Variants in HS6ST3 observed in about 807,000 individuals in gnomAD.
HS6ST3 encodes heparan sulfate 6-O-sulfotransferase 3.
In HS6ST3, 12 loss-of-function variants were observed where a neutral mutation model predicts 36.7. The ratio of observed to expected loss-of-function variants is 0.33; its 90% CI spans 0.21 to 0.53. The LOEUF is 0.53. Ranked by LOEUF, HS6ST3 falls within the 20% of genes least tolerant of loss-of-function variation. The pLI is 0.95. For missense variants in HS6ST3, 584 were observed against 640.9 expected (o/e 0.91, Z 0.96); for synonymous variants, 240 against 257.5 (o/e 0.93, Z 0.65).
At chr13:96,530,504 C>T (rs2056131255) in intron 1 of HS6ST3, among the ~76,000 whole-genome samples, 1 of 150,410 alleles carries the variant, frequency 6.6e-6, no homozygotes, top group Admixed American at 6.6e-5. Flanking sequence ...TTTTTCTTTC[C>T]CTTTTTTTTT....
chr13:96,513,870 G>A (rs945389977), intron 1 of HS6ST3, among the ~76,000 whole-genome samples: 1 of 151,964 alleles, frequency 6.6e-6, no homozygotes, highest in Non-Finnish European at 1.5e-5. Context: ...ATGAGAAGGA[G>A]ACCTGTGACT....
chr13:96,243,770 G>A (rs1400123196), intron 1 of HS6ST3, among the ~76,000 whole-genome samples: 2 of 151,926 alleles, frequency 1.3e-5, no homozygotes, highest in East Asian at 1.9e-4. Flanking sequence ...TTTCCCTGGG[G>A]TGCTTCTCAA....
intron 1 of HS6ST3, among the ~76,000 whole-genome samples, chr13:96,733,471 C>T (rs1024426229): frequency 2.6e-5 from 4 of 152,122 alleles, no homozygotes; most frequent in Non-Finnish European, 4.4e-5. Context: ...CCATGTTCTC[C>T]AGTCATTTTA....
chr13:96,348,083 G>A (rs1402031632), intron 1 of HS6ST3, among the ~76,000 whole-genome samples: 2 of 152,230 alleles, frequency 1.3e-5, no homozygotes, highest in African/African-American at 4.8e-5. Context: ...CAATCAGAGA[G>A]TTCTTACCAA....
chr13:96,795,605 A>T (rs951678432), intron 1 of HS6ST3, among the ~76,000 whole-genome samples: 1 of 152,132 alleles, frequency 6.6e-6, no homozygotes, highest in African/African-American at 2.4e-5. Flanking sequence ...TCAAACAAAA[A>T]TGCAACAGGA....
Position 96,646,622 on chromosome 13 carries a change from G to A in HS6ST3, c.708-185868G>A, listed in dbSNP as rs139663976. On this transcript the variant is annotated intron_variant, in intron 1 of 1. Coordinates refer to ENST00000376705, the MANE Select transcript of HS6ST3 (RefSeq NM_153456.4). ...ATCTGAAAGTGATAAGTGCATGGTA[G>A]GTGGGAGCTGTAAAAGCACTGGACT... Among the ~76,000 whole-genome samples the A allele has an allele frequency of 3.9e-3, 596 of 152,092 alleles. 5 individuals carry two copies. The highest frequency in any genetic ancestry group is 5.7e-3 in the Non-Finnish European group (384 of 67,944).
At chr13:96,218,759 T>G (rs1320342826) in intron 1 of HS6ST3, among the ~76,000 whole-genome samples, 1 of 152,138 alleles carries the variant, frequency 6.6e-6, no homozygotes, top group Admixed American at 6.5e-5. Flanking sequence ...ATTCAACAGA[T>G]GGGCTTTCCT....
intron 1 of HS6ST3, among the ~76,000 whole-genome samples, chr13:96,632,613 A>T (rs1010156224): frequency 1.3e-5 from 2 of 152,194 alleles, no homozygotes; most frequent in Non-Finnish European, 2.9e-5. Flanking sequence ...AAGAGTTTAA[A>T]TGTATGCTCT....
chr13:96,368,389 A>G (rs767414454), intron 1 of HS6ST3, among the ~76,000 whole-genome samples: 2 of 152,110 alleles, frequency 1.3e-5, no homozygotes, highest in Non-Finnish European at 2.9e-5. Flanking sequence ...GCTTTACTAT[A>G]TTTGAAGAGG....
intron 1 of HS6ST3, among the ~76,000 whole-genome samples, chr13:96,237,159 A>T (rs1347385550): frequency 2.0e-5 from 3 of 152,292 alleles, no homozygotes; most frequent in Admixed American, 2.0e-4. Flanking sequence ...ACACATGGGG[A>T]TTATGGGAGC....
chr13:96,331,782 C>A (rs1157527961), intron 1 of HS6ST3, among the ~76,000 whole-genome samples: 1 of 151,960 alleles, frequency 6.6e-6, no homozygotes, highest in Non-Finnish European at 1.5e-5. Flanking sequence ...CCCCCAGCCT[C>A]GCTGCCGCCT....
chr13:96,793,770 A>C (rs148905450), intron 1 of HS6ST3, among the ~76,000 whole-genome samples: 27 of 152,168 alleles, frequency 1.8e-4, no homozygotes, highest in African/African-American at 6.0e-4. Flanking sequence ...TCACAACCAC[A>C]TATTGTCATC....
At chr13:96,593,990 C>A (rs2056392686) in intron 1 of HS6ST3, among the ~76,000 whole-genome samples, 1 of 150,550 alleles carries the variant, frequency 6.6e-6, no homozygotes, top group African/African-American at 2.4e-5. Flanking sequence ...GAATTTCGCT[C>A]TTGTTTCCCA....
At chr13:96,433,726 G>A (rs1052074929) in intron 1 of HS6ST3, among the ~76,000 whole-genome samples, 10 of 152,060 alleles carry the variant, frequency 6.6e-5, no homozygotes, top group Non-Finnish European at 1.3e-4. Context: ...CCTGAGGTCC[G>A]GAATTCGAGA....
At chr13:96,506,511 T>C (rs1230595694) in intron 1 of HS6ST3, among the ~76,000 whole-genome samples, 2 of 152,168 alleles carry the variant, frequency 1.3e-5, no homozygotes, top group African/African-American at 2.4e-5. Context: ...ATCTCTTAAA[T>C]AGGATAGGAA....
At chr13:96,800,236 T>C (rs1258927753) in intron 1 of HS6ST3, among the ~76,000 whole-genome samples, 1 of 151,228 alleles carries the variant, frequency 6.6e-6, no homozygotes, top group Non-Finnish European at 1.5e-5. Context: ...GCTTGCTCAA[T>C]ATTATGTGTT....
chr13:96,620,329 TG>T (rs1450000759), intron 1 of HS6ST3, among the ~76,000 whole-genome samples: 3 of 152,186 alleles, frequency 2.0e-5, no homozygotes, highest in African/African-American at 7.2e-5. Flanking sequence ...ACAAATGGAC[TG>T]TTAGAGCCCA....
At chr13:96,175,733 T>C in intron 1 of HS6ST3, among the ~76,000 whole-genome samples, 1 of 152,066 alleles carries the variant, frequency 6.6e-6, no homozygotes, top group East Asian at 1.9e-4. Context: ...CCTCTTGTTC[T>C]CTTACTTCTC....
At chr13:96,416,842 T>TC (rs2055535932) in intron 1 of HS6ST3, among the ~76,000 whole-genome samples, 1 of 151,010 alleles carries the variant, frequency 6.6e-6, no homozygotes, top group African/African-American at 2.4e-5. Context: ...AAGCTCTGCC[T>TC]CTCGGGTTCA....
Sources: gnomAD v4.1 joint callset for allele counts (sites outside exome capture counted in the v4.1 genomes callset) on GRCh38, gnomAD v4.1.1 for gene constraint, MANE v1.5 for transcripts, NCBI Gene and HGNC (gene_info 2026-07-23, HGNC 2026-07-21) for gene names.